Variants in ATP6V1H observed in about 807,000 individuals in gnomAD.
ATP6V1H encodes the protein ATPase H+ transporting V1 subunit H.
ATP6V1H carries 39 observed loss-of-function variants against 71.7 expected under a neutral mutation model. The ratio of observed to expected loss-of-function variants is 0.54; its 90% confidence interval spans 0.42 to 0.71. The LOEUF is 0.71. ATP6V1H is among the 30% of genes least tolerant of loss of function. ATP6V1H has a pLI of 0.00. For missense variants in ATP6V1H, 509 were observed against 594.9 expected, an observed-to-expected ratio of 0.86 and a Z score of 1.50; for synonymous variants, 192 against 199.3, an observed-to-expected ratio of 0.96 and a Z score of 0.31.
At chr8:53,816,839 G>A (rs1810469721) in intron 5 of ATP6V1H, among the ~76,000 whole-genome samples, 1 of 152,020 alleles carries the variant, frequency 6.6e-6, no homozygotes, top group Non-Finnish European at 1.5e-5. Flanking sequence ...AAGCAATCAG[G>A]TAACTACTTA....
chr8:53,801,722 G>T (rs1563473062), intron 8 of ATP6V1H, 77 bp downstream of exon 8: 7 of 1,155,948 alleles, frequency 6.1e-6, no homozygotes, highest in Non-Finnish European at 7.5e-6. Flanking sequence ...TCTTTTAGAT[G>T]ATTACATATT....
chr8:53,748,593 A>C (rs372378797), intron 12 of ATP6V1H, among the ~76,000 whole-genome samples: 33 of 152,172 alleles, frequency 2.2e-4, no homozygotes, highest in African/African-American at 7.5e-4. Context: ...TATTTTTAAA[A>C]CTCTGTAGAT....
At chr8:53,733,811 T>C (rs1238527737) in intron 13 of ATP6V1H, among the ~76,000 whole-genome samples, 2 of 152,150 alleles carry the variant, frequency 1.3e-5, no homozygotes, top group Non-Finnish European at 2.9e-5. Context: ...AAGCCTTCTG[T>C]GAGTTGAAAG....
intron 13 of ATP6V1H, among the ~76,000 whole-genome samples, chr8:53,726,117 T>TA (rs1176903985): frequency 1.3e-5 from 2 of 152,236 alleles, no homozygotes; most frequent in Non-Finnish European, 2.9e-5. Flanking sequence ...AAAAAGTTGT[T>TA]ACTCTTTCTA....
At chr8:53,720,203 T>C (rs1245155700) in intron 13 of ATP6V1H, among the ~76,000 whole-genome samples, 1 of 152,098 alleles carries the variant, frequency 6.6e-6, no homozygotes, top group Non-Finnish European at 1.5e-5. Context: ...ATTTGTGAGG[T>C]GCAATATTTT....
At chr8:53,841,529 G>A in intron 2 of ATP6V1H, 49 bp downstream of exon 2, 2 of 1,580,210 alleles carry the variant, frequency 1.3e-6, no homozygotes, top group East Asian at 2.2e-5. Flanking sequence ...GAAAAAGTCT[G>A]ATGCAAAAGC....
intron 9 of ATP6V1H, among the ~76,000 whole-genome samples, chr8:53,774,801 C>T (rs953077793): frequency 2.6e-5 from 4 of 152,084 alleles, no homozygotes; most frequent in Non-Finnish European, 5.9e-5. Context: ...AAAACTCAGC[C>T]GGAAACCACA....
intron 7 of ATP6V1H, among the ~76,000 whole-genome samples, chr8:53,806,259 AAAAAAAAACTGTC>A (rs1344959715): frequency 6.7e-6 from 1 of 149,342 alleles, no homozygotes; most frequent in Non-Finnish European, 1.5e-5. Flanking sequence ...TGGGAAAAAT[AAAAAAAAACTGTC>A]ATGACACTGA....
chr8:53,718,159 C>T (rs1241052408), intron 13 of ATP6V1H, among the ~76,000 whole-genome samples: 1 of 152,200 alleles, frequency 6.6e-6, no homozygotes, highest in Non-Finnish European at 1.5e-5. Context: ...TATCAGACTT[C>T]ACTAATACTT....
At chr8:53,729,266 T>C (rs141870814) in intron 13 of ATP6V1H, among the ~76,000 whole-genome samples, 87 of 152,282 alleles carry the variant, frequency 5.7e-4, no homozygotes, top group African/African-American at 1.9e-3. Context: ...GAAGTTGATA[T>C]TTTGGAAGAG....
intron 4 of ATP6V1H, among the ~76,000 whole-genome samples, chr8:53,828,823 A>T (rs1344734489): frequency 2.0e-5 from 3 of 152,114 alleles, no homozygotes; most frequent in African/African-American, 7.2e-5. Context: ...GTCTCCTGAG[A>T]CACTCAGCAG....
At chr8:53,760,653 C>T (rs929011755) in intron 11 of ATP6V1H, among the ~76,000 whole-genome samples, 2 of 152,170 alleles carry the variant, frequency 1.3e-5, no homozygotes, top group African/African-American at 4.8e-5. Context: ...AGGCAAGGAT[C>T]ACGTTGCTGC....
chr8:53,751,488 G>A (rs1424029051), intron 12 of ATP6V1H, among the ~76,000 whole-genome samples: 1 of 152,138 alleles, frequency 6.6e-6, no homozygotes. Flanking sequence ...TTTGAAGGAA[G>A]GAATAGGGAG....
At chr8:53,789,847 T>C (rs2130393217) in intron 9 of ATP6V1H, among the ~76,000 whole-genome samples, 1 of 152,282 alleles carries the variant, frequency 6.6e-6, no homozygotes, top group East Asian at 1.9e-4. Context: ...AATAGTACTA[T>C]TCACTTCCAC....
At chr8:53,815,968 T>C (rs1386658604) in intron 5 of ATP6V1H, among the ~76,000 whole-genome samples, 1 of 152,364 alleles carries the variant, frequency 6.6e-6, no homozygotes, top group East Asian at 1.9e-4. Flanking sequence ...TTCCTAAGTG[T>C]ATATTTGTTT....
intron 13 of ATP6V1H, among the ~76,000 whole-genome samples, chr8:53,725,522 A>G (rs1237021951): frequency 1.3e-5 from 2 of 149,204 alleles, no homozygotes; most frequent in Non-Finnish European, 3.0e-5. Flanking sequence ...TCTTGACTCA[A>G]TTTCCACCTG....
intron 12 of ATP6V1H, among the ~76,000 whole-genome samples, chr8:53,755,752 T>A (rs1808027918): frequency 2.9e-5 from 1 of 34,456 alleles, no homozygotes; most frequent in Non-Finnish European, 5.7e-5. Flanking sequence ...ATATTTTTTT[T>A]TTTTTTTTTT....
intron 7 of ATP6V1H, among the ~76,000 whole-genome samples, chr8:53,809,630 A>G (rs190312594): frequency 3.3e-5 from 5 of 152,344 alleles, no homozygotes; most frequent in Admixed American, 3.3e-4. Flanking sequence ...AAAATAGCAA[A>G]ATAAGGATGT....
intron 13 of ATP6V1H, among the ~76,000 whole-genome samples, chr8:53,717,878 G>A (rs1210254407): frequency 2.0e-5 from 3 of 152,088 alleles, no homozygotes; most frequent in Non-Finnish European, 4.4e-5. Flanking sequence ...CTTTAGTGTG[G>A]AGCCTTAGAA....
Sources: allele counts gnomAD v4.1 joint callset (sites outside exome capture counted in the v4.1 genomes callset), GRCh38; gene constraint gnomAD v4.1.1; transcripts MANE v1.5; gene names NCBI Gene and HGNC (gene_info 2026-07-23, HGNC 2026-07-21).